The following WWOX variants were observed in gnomAD, a reference collection of about 807,000 sequenced individuals.
WWOX encodes WW domain-containing oxidoreductase.
In WWOX, 69 loss-of-function variants were observed where a neutral mutation model predicts 46.2. That is an observed-to-expected ratio of 1.49 (90% CI 1.23 to 1.82). The LOEUF is 1.82. WWOX is among the 40% of genes most tolerant of loss of function. The pLI, the probability that WWOX is intolerant of heterozygous loss-of-function variation, is 0.00. For missense variants in WWOX, 919 were observed against 542.6 expected, an observed-to-expected ratio of 1.69 and a Z score of -6.89; for synonymous variants, 359 against 202.6, an observed-to-expected ratio of 1.77 and a Z score of -6.56.
At chr16:78,688,403 T>A (rs1056316485) in intron 8 of WWOX, among the ~76,000 whole-genome samples, 1 of 151,894 alleles carries the variant, frequency 6.6e-6, no homozygotes, top group African/African-American at 2.4e-5. Flanking sequence ...CAAATCCTAC[T>A]TTTTCAGGTC....
chr16:79,205,979 A>T (rs2051496244), intron 8 of WWOX: 1 of 152,192 alleles, frequency 6.6e-6, no homozygotes, highest in Non-Finnish European at 1.5e-5. Context: ...TTAGTTCTGC[A>T]AATCTGGCAC....
At chr16:79,058,097 T>A (rs369057606) in intron 8 of WWOX, among the ~76,000 whole-genome samples, 4 of 143,180 alleles carry the variant, frequency 2.8e-5, no homozygotes, top group African/African-American at 1.1e-4. Context: ...GTAGGAGATA[T>A]ATCTTACTTA....
At chr16:78,807,054 C>G (rs537195601) in intron 8 of WWOX, among the ~76,000 whole-genome samples, 12 of 152,150 alleles carry the variant, frequency 7.9e-5, no homozygotes, top group Non-Finnish European at 1.3e-4. Flanking sequence ...CAAATAAAAT[C>G]TGTAATTTGT....
intron 8 of WWOX, chr16:78,551,091 T>A (rs2044161580): frequency 6.6e-6 from 1 of 152,200 alleles, no homozygotes; most frequent in Non-Finnish European, 1.5e-5. Context: ...GAATATATTG[T>A]GTGAAACAAA....
intron 8 of WWOX, among the ~76,000 whole-genome samples, chr16:78,480,908 T>C (rs2084468943): frequency 6.6e-6 from 1 of 152,194 alleles, no homozygotes; most frequent in Non-Finnish European, 1.5e-5. Flanking sequence ...CTTACAAACA[T>C]TTGTGCAAAA....
chr16:78,404,957 A>C (rs561284743), intron 6 of WWOX, among the ~76,000 whole-genome samples: 112 of 152,326 alleles, frequency 7.4e-4, no homozygotes, highest in Non-Finnish European at 1.2e-3. Flanking sequence ...ATTGGGGCAC[A>C]ATTATCAAAT....
At chr16:78,729,059 C>A (rs571258619) in intron 8 of WWOX, among the ~76,000 whole-genome samples, 1 of 152,218 alleles carries the variant, frequency 6.6e-6, no homozygotes, top group East Asian at 1.9e-4. Context: ...CTAAAGACAT[C>A]CTGCTGGTTT....
Position 78,934,689 on chromosome 16 carries a change from C to T in WWOX, c.1057-276919C>T, listed in dbSNP as rs192912739. Among the ~76,000 whole-genome samples, 396 of 152,146 alleles carry T rather than the reference C, an allele frequency of 2.6e-3. 1 individual carries two copies. Among genetic ancestry groups the T allele is most frequent in the South Asian group, 0.014 (69 of 4,822 alleles). On this transcript the variant is annotated intron_variant, in intron 8 of 8. Coordinates refer to ENST00000566780, the MANE Select transcript of WWOX (RefSeq NM_016373.4). ...CTTCAGGATCTTCAGTGCCAGAACC[C>T]AGCATTTAAACTCTTATTTGACAGT...
At chr16:78,306,167 C>A (rs1184004085) in intron 5 of WWOX, among the ~76,000 whole-genome samples, 1 of 151,960 alleles carries the variant, frequency 6.6e-6, no homozygotes, top group African/African-American at 2.4e-5. Flanking sequence ...TTATAGTGAA[C>A]GGGTGGCTTC....
intron 8 of WWOX, among the ~76,000 whole-genome samples, chr16:78,907,753 C>T (rs967539412): frequency 1.3e-5 from 2 of 152,190 alleles, no homozygotes; most frequent in Admixed American, 6.5e-5. Context: ...AGGAGGGTTT[C>T]TCTGAGGAGA....
At chr16:79,162,814 G>A (rs373312113) in intron 8 of WWOX, among the ~76,000 whole-genome samples, 19 of 152,140 alleles carry the variant, frequency 1.2e-4, no homozygotes, top group Non-Finnish European at 1.9e-4. Context: ...TGGATCTGGA[G>A]GTCCTTCCCC....
At chr16:78,381,615 A>G (rs561193793) in intron 5 of WWOX, among the ~76,000 whole-genome samples, 1 of 152,204 alleles carries the variant, frequency 6.6e-6, no homozygotes, top group Non-Finnish European at 1.5e-5. Context: ...TTTGCCTGAG[A>G]TAAGCTTGTA....
chr16:78,343,270 C>G (rs2081044758), intron 5 of WWOX, among the ~76,000 whole-genome samples: 1 of 120,246 alleles, frequency 8.3e-6, no homozygotes, highest in Admixed American at 8.1e-5. Context: ...GCCTGTCACC[C>G]ATGATGCTGT....
chr16:78,845,020 C>A (rs1002585862), intron 8 of WWOX, among the ~76,000 whole-genome samples: 2 of 152,266 alleles, frequency 1.3e-5, no homozygotes, highest in South Asian at 4.1e-4. Flanking sequence ...GCGGACACAG[C>A]GCAGTGAAGC....
intron 5 of WWOX, among the ~76,000 whole-genome samples, chr16:78,379,434 G>A (rs868136924): frequency 1.3e-5 from 2 of 152,142 alleles, no homozygotes; most frequent in South Asian, 2.1e-4. Flanking sequence ...GCCATCTAGT[G>A]TACCTGGGCT....
intron 5 of WWOX, among the ~76,000 whole-genome samples, chr16:78,367,281 A>C (rs2081559097): frequency 6.6e-6 from 1 of 152,046 alleles, no homozygotes; most frequent in South Asian, 2.1e-4. Flanking sequence ...ACCCAGCCGA[A>C]AAGTTATAAT....
chr16:78,862,292 GTATC>G (rs962244714), intron 8 of WWOX, among the ~76,000 whole-genome samples: 20 of 150,090 alleles, frequency 1.3e-4, no homozygotes, highest in African/African-American at 2.9e-4. Flanking sequence ...GTGTCTTTCT[GTATC>G]TATACACACC....
chr16:78,119,462 A>C (rs938814170), intron 4 of WWOX, among the ~76,000 whole-genome samples: 6 of 152,140 alleles, frequency 3.9e-5, no homozygotes, highest in Non-Finnish European at 1.5e-5. Context: ...GGATCCTTCT[A>C]ATGAGGGATT....
chr16:78,468,681 C>G (rs566856712), intron 8 of WWOX, among the ~76,000 whole-genome samples: 1 of 152,182 alleles, frequency 6.6e-6, no homozygotes, highest in South Asian at 2.1e-4. Context: ...GCCTACGTTA[C>G]TGCACCTGTT....
Sources: allele counts gnomAD v4.1 joint callset (sites outside exome capture counted in the v4.1 genomes callset), GRCh38; gene constraint gnomAD v4.1.1; transcripts MANE v1.5; gene names NCBI Gene and HGNC (gene_info 2026-07-23, HGNC 2026-07-21).